Variants in TRPM2 observed in about 807,000 individuals in gnomAD.
The protein encoded by TRPM2 is estrogen-responsive element-associated gene 1 protein.
TRPM2 carries 161 observed loss-of-function variants against 174.0 expected under a neutral mutation model. That is an observed-to-expected ratio of 0.93 (90% CI 0.81 to 1.05). The LOEUF (loss-of-function observed/expected upper bound fraction) is 1.05. Among genes scored for constraint, TRPM2 ranks in the 50% least tolerant of loss-of-function variants. The pLI, the probability that TRPM2 is intolerant of heterozygous loss-of-function variation, is 0.00. For synonymous variants in TRPM2, 954 were observed against 861.3 expected (o/e 1.11, Z -1.88); for missense variants, 2,057 against 2,038.0 (o/e 1.01, Z -0.18).
At chr21:44,394,775 T>A (rs1447351158) in intron 11 of TRPM2, among the ~76,000 whole-genome samples, 1 of 152,230 alleles carries the variant, frequency 6.6e-6, no homozygotes, top group Non-Finnish European at 1.5e-5. Flanking sequence ...TTCTTTATAA[T>A]GAAAAACCTT....
intron 16 of TRPM2, 73 bp downstream of exon 16, chr21:44,401,970 T>G (rs2146282609): frequency 6.5e-7 from 1 of 1,538,878 alleles, no homozygotes; most frequent in Non-Finnish European, 9.0e-7. Context: ...AGGGGACCCA[T>G]GGCTTAGAGC....
At chr21:44,419,032 T>C (rs774841630) in intron 22 of TRPM2, among the ~76,000 whole-genome samples, 31 of 152,196 alleles carry the variant, frequency 2.0e-4, no homozygotes, top group Non-Finnish European at 3.4e-4. Context: ...CTTTCCAAGG[T>C]GCGAGGTCAG....
In TRPM2 at chr21:44,413,882, C is replaced by T. The variant is rs1425790799; in HGVS notation, c.2963-9C>T. The T allele has an allele frequency of 6.2e-7, 1 of 1,604,914 alleles. No homozygotes were observed. Among genetic ancestry groups the T allele is most frequent in the East Asian group, 2.2e-5 (1 of 44,650 alleles). ...TTCTTGGCTCACCCACCCCCATTCC[C>T]AACGCCAGGTGTGAACTTCAACCCG... is the stretch of plus-strand genomic sequence containing the variant. On this transcript the variant is annotated splice_polypyrimidine_tract_variant and intron_variant, in intron 19 of 31. Coordinates refer to ENST00000397928, the MANE Select transcript of TRPM2 (RefSeq NM_003307.4).
In TRPM2 at chr21:44,391,617, A is replaced by G. The variant is rs1427822985; in HGVS notation, c.1786A>G (p.Lys596Glu). 8.9e-6 allele frequency: 14 copies of G among 1,575,054 alleles called. No homozygotes were observed. The highest frequency in any genetic ancestry group is 1.1e-5 in the Non-Finnish European group (13 of 1,167,082). The change falls in exon 11 of 32, where the codon AAG becomes GAG. Residue 596 changes from lysine to glutamate, a missense_variant. By Grantham distance (56) the Lys-to-Glu change is moderately conservative. Coordinates refer to ENST00000397928, the MANE Select transcript of TRPM2 (RefSeq NM_003307.4). The surrounding 1 kb of genome is among the most constrained non-coding windows in gnomAD (Gnocchi z 5.0). ...GCTCCTGCTGCCCGTTCCCCACGTC[A>G]AGCTCAACGTGCGTGCTGGTAACGG... ...LRLLLPVPHV[K>E]LNVQGVSLRS...
intron 9 of TRPM2, among the ~76,000 whole-genome samples, chr21:44,389,669 T>C (rs908326583): frequency 4.6e-5 from 7 of 152,286 alleles, no homozygotes; most frequent in African/African-American, 1.7e-4. Flanking sequence ...TTTAAGGACT[T>C]TTTGGCCATT....
intron 2 of TRPM2, among the ~76,000 whole-genome samples, chr21:44,359,829 C>T (rs937723879): frequency 1.2e-4 from 18 of 151,702 alleles, no homozygotes; most frequent in African/African-American, 3.9e-4. Flanking sequence ...CTCACTGCAA[C>T]CTCCACCTCC....
chr21:44,429,320 T>C (rs1486890392), intron 27 of TRPM2, among the ~76,000 whole-genome samples: 1 of 148,152 alleles, frequency 6.7e-6, no homozygotes, highest in Non-Finnish European at 1.5e-5. Flanking sequence ...GGAATTTCAC[T>C]TTTGTTGCCC....
chr21:44,358,413 G>C (rs2048117998), intron 2 of TRPM2, among the ~76,000 whole-genome samples: 1 of 152,216 alleles, frequency 6.6e-6, no homozygotes, highest in South Asian at 2.1e-4. Flanking sequence ...GCCCAGGTTG[G>C]AGAGAATACA....
At chr21:44,427,912 A>G (rs1601242538) in intron 27 of TRPM2, among the ~76,000 whole-genome samples, 1 of 152,038 alleles carries the variant, frequency 6.6e-6, no homozygotes, top group Non-Finnish European at 1.5e-5. Context: ...GGTATGTGGG[A>G]CGGGCAAGGG....
intron 27 of TRPM2, among the ~76,000 whole-genome samples, chr21:44,433,005 C>T (rs1432251695): frequency 6.6e-6 from 1 of 152,098 alleles, no homozygotes; most frequent in Admixed American, 6.5e-5. Flanking sequence ...GAGATCAGGG[C>T]ACAGTGAGAG....
chr21:44,394,221 G>A (rs759616855), intron 11 of TRPM2, among the ~76,000 whole-genome samples: 25 of 151,410 alleles, frequency 1.7e-4, no homozygotes, highest in Non-Finnish European at 2.9e-4. Context: ...AGTCCAGTGC[G>A]TTTATTTAAG....
At chr21:44,382,902 C>A in intron 9 of TRPM2, 82 bp downstream of exon 9, 1 of 1,348,308 alleles carries the variant, frequency 7.4e-7, no homozygotes, top group Non-Finnish European at 1.0e-6. Flanking sequence ...TCTTGAAGTG[C>A]CATGATTCTG....
chr21:44,355,808 G>C (rs1750855549), intron 2 of TRPM2, among the ~76,000 whole-genome samples: 1 of 151,532 alleles, frequency 6.6e-6, no homozygotes, highest in Non-Finnish European at 1.5e-5. Flanking sequence ...GAGTTTCACG[G>C]TCACCAATAC....
At chr21:44,377,559 C>T (rs1194617156) in intron 6 of TRPM2, among the ~76,000 whole-genome samples, 153 bp from the exon 7 acceptor site, 1 of 152,236 alleles carries the variant, frequency 6.6e-6, no homozygotes, top group Non-Finnish European at 1.5e-5. Context: ...TAGGCTGGAG[C>T]CAGCAGGGGG....
chr21:44,433,783 C>T (rs571768241), intron 27 of TRPM2, among the ~76,000 whole-genome samples: 1 of 152,166 alleles, frequency 6.6e-6, no homozygotes, highest in Non-Finnish European at 1.5e-5. Context: ...AGAGGCCTGG[C>T]CAGGTGGGCC....
chr21:44,424,779 T>C, intron 23 of TRPM2, 73 bp from the exon 24 acceptor site: 1 of 977,748 alleles, frequency 1.0e-6, no homozygotes. Flanking sequence ...GAGTGAAGTC[T>C]CGGTGGGCAG....
rs1357813082 is a variant in TRPM2 at position 44,354,340 on chromosome 21, C to T, written c.166-308C>T. Among the ~76,000 whole-genome samples, 1 of 152,322 alleles carries T rather than the reference C, an allele frequency of 6.6e-6. No individual in the cohort carries two copies. Among genetic ancestry groups the T allele is most frequent in the East Asian group, 1.9e-4 (1 of 5,176 alleles). ...TGCAAGATCCAGGTCCCCAGATCCC[C>T]AGCCTCCACGTTTTCCACCACACCA... On this transcript the variant is annotated intron_variant, in intron 1 of 31. Transcript: ENST00000397928. This position sits in a 1 kb window ranked among gnomAD's most constrained non-coding sequence, Gnocchi z 4.3.
intron 17 of TRPM2, among the ~76,000 whole-genome samples, chr21:44,405,468 CCTGGCAGAG>C (rs1455894714): frequency 1.3e-5 from 2 of 152,148 alleles, no homozygotes; most frequent in East Asian, 1.9e-4. Flanking sequence ...CATGAGAGCT[CCTGGCAGAG>C]CTGAGATTGT....
In TRPM2 at chr21:44,399,588, C is replaced by T; in HGVS notation, c.2208+147C>T. 1.8e-6 allele frequency: 2 copies of T among 1,129,884 alleles called. No individual in the cohort carries two copies. The highest frequency in any genetic ancestry group is 2.4e-6 in the Non-Finnish European group (2 of 844,184). 70.0% of individuals were successfully genotyped at this position (1,129,884 alleles called of 1,614,324 possible). A position where few individuals can be genotyped will look rare whatever the true frequency, so the allele number is the denominator to read the frequency against. Reference sequence around the variant, plus strand: ...GGGACAGCGCCTGACCCCTCGGCCACCTGCTCCAGGCTCTGGCCTCCCATT... The same window carrying T: ...GGGACAGCGCCTGACCCCTCGGCCATCTGCTCCAGGCTCTGGCCTCCCATT... On this transcript the variant is annotated intron_variant, in intron 14 of 31. Coordinates refer to ENST00000397928, the MANE Select transcript of TRPM2 (RefSeq NM_003307.4). The surrounding 1 kb of genome is among the most constrained non-coding windows in gnomAD (Gnocchi z 4.6).
Sources: gnomAD v4.1 joint callset for allele counts (sites outside exome capture counted in the v4.1 genomes callset) on GRCh38, gnomAD v4.1.1 for gene constraint, Gnocchi (gnomAD v3.1) non-coding constraint, MANE v1.5 for transcripts, NCBI Gene and HGNC (gene_info 2026-07-23, HGNC 2026-07-21) for gene names.